The following NBEA variants were observed in gnomAD, a reference collection of about 807,000 sequenced individuals.
NBEA encodes the protein lysosomal-trafficking regulator 2.
A neutral mutation model predicts 343.4 loss-of-function variants in NBEA; 44 were observed. The ratio of observed to expected loss-of-function variants is 0.13; its 90% CI spans 0.10 to 0.16. The LOEUF (loss-of-function observed/expected upper bound fraction) is 0.16, where lower values mean the gene tolerates loss of function less well. NBEA is among the 10% of genes least tolerant of loss of function. The pLI is 1.00. For synonymous variants in NBEA, 1,175 were observed against 1,238.7 expected, an observed-to-expected ratio of 0.95 and a Z score of 1.08; for missense variants, 2,555 against 3,631.3, an observed-to-expected ratio of 0.70 and a Z score of 7.62.
intron 6 of NBEA, 133 bp from the exon 7 acceptor site, chr13:35,055,876 TG>T (rs1460967897): frequency 1.8e-6 from 1 of 558,474 alleles, no homozygotes; most frequent in Non-Finnish European, 2.7e-6. Flanking sequence ...AGGGGGAACT[TG>T]ATCAAGTGGT....
intron 36 of NBEA, among the ~76,000 whole-genome samples, chr13:35,339,514 A>G (rs772143939): frequency 2.0e-5 from 3 of 152,132 alleles, no homozygotes; most frequent in African/African-American, 4.8e-5. Flanking sequence ...CTGCATAACC[A>G]TTTGGATGGG....
intron 40 of NBEA, among the ~76,000 whole-genome samples, chr13:35,467,998 T>A (rs1016005904): frequency 6.6e-6 from 1 of 152,194 alleles, no homozygotes; most frequent in Admixed American, 6.5e-5. Context: ...GTCTTTGCTG[T>A]GCTTTACATT....
intron 38 of NBEA, among the ~76,000 whole-genome samples, chr13:35,419,059 A>G (rs2044120767): frequency 1.3e-5 from 2 of 152,160 alleles, no homozygotes; most frequent in East Asian, 1.9e-4. Context: ...AATTTTGTAC[A>G]TGAAACATGG....
chr13:35,213,329 G>A (rs1218440121), intron 33 of NBEA, among the ~76,000 whole-genome samples: 1 of 152,006 alleles, frequency 6.6e-6, no homozygotes. Flanking sequence ...CTGTCTTTAA[G>A]TCATACCATC....
At chr13:35,476,847 T>C in intron 41 of NBEA, 1 of 1,005,906 alleles carries the variant, frequency 9.9e-7, no homozygotes, top group Non-Finnish European at 1.2e-6. Flanking sequence ...GGTAGGAGGC[T>C]GCTGCCGGCG....
intron 13 of NBEA, among the ~76,000 whole-genome samples, chr13:35,112,033 C>T (rs1482939969): frequency 6.6e-6 from 1 of 150,622 alleles, no homozygotes; most frequent in Non-Finnish European, 1.5e-5. Context: ...TCTCCTGCCT[C>T]AGCCTCCCGA....
intron 48 of NBEA, among the ~76,000 whole-genome samples, chr13:35,626,173 T>C (rs918593984): frequency 3.3e-5 from 5 of 152,336 alleles, no homozygotes; most frequent in African/African-American, 9.6e-5. Flanking sequence ...TTTAACCCTA[T>C]ATATTTTTAT....
At chr13:35,190,943 T>C (rs1331217013) in intron 30 of NBEA, among the ~76,000 whole-genome samples, 1 of 152,076 alleles carries the variant, frequency 6.6e-6, no homozygotes, top group Non-Finnish European at 1.5e-5. Flanking sequence ...AATAAAGATA[T>C]ATGTAATAAA....
At chr13:35,223,410 A>G (rs1384611115) in intron 33 of NBEA, among the ~76,000 whole-genome samples, 1 of 152,144 alleles carries the variant, frequency 6.6e-6, no homozygotes, top group Non-Finnish European at 1.5e-5. Context: ...GCTACATATA[A>G]AATTGTGGAC....
At chr13:34,956,984 T>C (rs1304601352) in intron 1 of NBEA, among the ~76,000 whole-genome samples, 1 of 152,032 alleles carries the variant, frequency 6.6e-6, no homozygotes, top group Non-Finnish European at 1.5e-5. Context: ...GATTCTTTAG[T>C]TCTGTTTCTT....
chr13:34,966,367 G>A (rs2059820990), intron 1 of NBEA, among the ~76,000 whole-genome samples: 1 of 152,022 alleles, frequency 6.6e-6, no homozygotes, highest in Non-Finnish European at 1.5e-5. Context: ...TATAAGTTGG[G>A]AGGTGCTTCT....
rs190448065 is a variant in NBEA at position 35,586,904 on chromosome 13, A to T, written c.7176+2866A>T. On this transcript the variant is annotated intron_variant, in intron 46 of 58. Coordinates refer to ENST00000379939, the MANE Select transcript of NBEA (RefSeq NM_001385012.1). ...GCAGTTTCAGCCACAAGTCAAAACT[A>T]AACAAAGTCACAAAAATTTACCAGT... Among the ~76,000 whole-genome samples the T allele has an allele frequency of 8.5e-4, 130 of 152,334 alleles. 1 individual carries two copies. The highest frequency in any genetic ancestry group is 3.0e-3 in the African/African-American group (125 of 41,586).
chr13:35,635,143 G>A (rs1263642866), intron 49 of NBEA, among the ~76,000 whole-genome samples: 1 of 152,022 alleles, frequency 6.6e-6, no homozygotes, highest in Non-Finnish European at 1.5e-5. Flanking sequence ...CAACATTGAG[G>A]ACCTCTACAA....
Position 35,157,287 on chromosome 13 carries a change from C to A in NBEA, c.2844+17C>A. On this transcript the variant is annotated intron_variant, in intron 21 of 58. Transcript: ENST00000379939. ...CATTCCAAGGTAACACGGGATTTAA[C>A]ATTTTAACATCATCAGAGTTATTGC... The A allele has an allele frequency of 6.7e-7, 1 of 1,503,516 alleles. No individual in the cohort carries two copies. The highest frequency in any genetic ancestry group is 1.4e-5 in the South Asian group (1 of 71,454). The allele number at this position is 1,503,516 out of a possible 1,614,324, so 93.1% of individuals were successfully genotyped here. A position where few individuals can be genotyped will look rare whatever the true frequency, so the allele number is the denominator to read the frequency against.
intron 1 of NBEA, among the ~76,000 whole-genome samples, chr13:34,998,160 GC>G (rs2061001000): frequency 6.6e-6 from 1 of 152,056 alleles, no homozygotes; most frequent in Admixed American, 6.6e-5. Context: ...TCCATGATGT[GC>G]CCCCAAGCCA....
chr13:35,147,932 T>G (rs2068537568), intron 18 of NBEA, among the ~76,000 whole-genome samples: 1 of 152,140 alleles, frequency 6.6e-6, no homozygotes, highest in South Asian at 2.1e-4. Flanking sequence ...GTATTAAAAT[T>G]TAGGGTCCTG....
chr13:35,038,507 C>A (rs1466638146), intron 1 of NBEA, among the ~76,000 whole-genome samples: 2 of 152,096 alleles, frequency 1.3e-5, no homozygotes, highest in African/African-American at 4.8e-5. Flanking sequence ...AGAAACTCAC[C>A]AAGGCCCTCA....
At chr13:35,420,544 T>C (rs886973382) in intron 38 of NBEA, among the ~76,000 whole-genome samples, 2 of 151,986 alleles carry the variant, frequency 1.3e-5, no homozygotes, top group Non-Finnish European at 2.9e-5. Context: ...TTGAGAAATA[T>C]TTCTTCCTAT....
At chr13:35,334,158 CACAA>C (rs1284530497) in intron 36 of NBEA, among the ~76,000 whole-genome samples, 2 of 152,030 alleles carry the variant, frequency 1.3e-5, no homozygotes, top group Non-Finnish European at 2.9e-5. Flanking sequence ...TTTACATTCC[CACAA>C]ACAGTGTATG....
Sources: allele counts gnomAD v4.1 joint callset (sites outside exome capture counted in the v4.1 genomes callset), GRCh38; gene constraint gnomAD v4.1.1; transcripts MANE v1.5; gene names NCBI Gene and HGNC (gene_info 2026-07-23, HGNC 2026-07-21).